The following MARCHF1 variants were observed in gnomAD, a reference collection of about 807,000 sequenced individuals.
MARCHF1 encodes E3 ubiquitin-protein ligase MARCHF1.
In MARCHF1, 40 loss-of-function variants were observed where a neutral mutation model predicts 54.2. The ratio of observed to expected loss-of-function variants is 0.74; its 90% CI spans 0.57 to 0.96. The LOEUF (loss-of-function observed/expected upper bound fraction) is 0.96. Among genes scored for constraint, MARCHF1 ranks in the 40% least tolerant of loss-of-function variants. The pLI, the probability that MARCHF1 is intolerant of heterozygous loss-of-function variation, is 0.00. For missense variants in MARCHF1, 586 were observed against 656.5 expected, an observed-to-expected ratio of 0.89 and a Z score of 1.17; for synonymous variants, 236 against 236.3, an observed-to-expected ratio of 1.00 and a Z score of 0.01.
At chr4:163,610,381 C>T (rs78361990) in intron 7 of MARCHF1, among the ~76,000 whole-genome samples, 9,783 of 152,120 alleles carry the variant, frequency 0.064, 463 homozygotes, top group East Asian at 0.16. Context: ...ATTGGCTCAT[C>T]TATCTCACTT....
intron 1 of MARCHF1, among the ~76,000 whole-genome samples, chr4:164,269,581 T>G (rs1320280573): frequency 6.6e-6 from 1 of 152,214 alleles, no homozygotes; most frequent in Non-Finnish European, 1.5e-5. Context: ...TCTTTGGAGA[T>G]CCACTTTTTC....
At chr4:164,306,778 G>C (rs1183337134) in intron 1 of MARCHF1, among the ~76,000 whole-genome samples, 1 of 152,024 alleles carries the variant, frequency 6.6e-6, no homozygotes, top group African/African-American at 2.4e-5. Flanking sequence ...GGAAAAGAGA[G>C]CCCATAATTA....
At chr4:164,375,958 C>T (rs2110972334) in intron 1 of MARCHF1, among the ~76,000 whole-genome samples, 1 of 152,340 alleles carries the variant, frequency 6.6e-6, no homozygotes, top group East Asian at 1.9e-4. Flanking sequence ...GAGTCAAACT[C>T]CCCTCTAATA....
intron 3 of MARCHF1, among the ~76,000 whole-genome samples, chr4:163,880,350 A>G (rs1750388768): frequency 6.6e-6 from 1 of 151,222 alleles, no homozygotes; most frequent in African/African-American, 2.4e-5. Flanking sequence ...TCAAATTTTG[A>G]TATTCAAGTA....
At chr4:164,358,869 T>A (rs1268261817) in intron 1 of MARCHF1, among the ~76,000 whole-genome samples, 1 of 152,138 alleles carries the variant, frequency 6.6e-6, no homozygotes, top group African/African-American at 2.4e-5. Context: ...AATTGGATTT[T>A]TAAAAAATGA....
At chr4:163,585,630 A>G in intron 8 of MARCHF1, 119 bp downstream of exon 8, 4 of 754,486 alleles carry the variant, frequency 5.3e-6, no homozygotes, top group Non-Finnish European at 8.4e-6. Context: ...AACACAAGAC[A>G]CATACCCTTA....
intron 2 of MARCHF1, among the ~76,000 whole-genome samples, chr4:164,101,949 G>C (rs1413018080): frequency 1.4e-5 from 2 of 146,076 alleles, no homozygotes; most frequent in Non-Finnish European, 3.0e-5. Context: ...ACCAAGGCTC[G>C]AGAACTACGT....
At chr4:163,728,681 G>C (rs910475243) in intron 4 of MARCHF1, among the ~76,000 whole-genome samples, 2 of 152,044 alleles carry the variant, frequency 1.3e-5, no homozygotes, top group Non-Finnish European at 2.9e-5. Context: ...CACTTCCTAG[G>C]TTTAGCCTTT....
intron 2 of MARCHF1, among the ~76,000 whole-genome samples, chr4:164,021,867 T>TTATATATATA (rs375853031): frequency 1.4e-4 from 20 of 147,048 alleles, no homozygotes; most frequent in East Asian, 6.0e-4. Context: ...AAAAAAAAAA[T>TTATATATATA]TATATATATA....
intron 3 of MARCHF1, among the ~76,000 whole-genome samples, chr4:163,982,855 A>C (rs1340201911): frequency 1.3e-5 from 2 of 152,210 alleles, no homozygotes; most frequent in Non-Finnish European, 2.9e-5. Context: ...TCTTCAGGAC[A>C]AAAAGGTGTC....
intron 3 of MARCHF1, among the ~76,000 whole-genome samples, chr4:163,960,535 C>T (rs1191241945): frequency 6.6e-6 from 1 of 151,876 alleles, no homozygotes; most frequent in Admixed American, 6.6e-5. Context: ...GGCTATTATC[C>T]TTAGCAAACT....
In MARCHF1 at chr4:164,044,791, A is replaced by G. The variant is rs570936719; in HGVS notation, c.-247-56082T>C. ...TCTATACATACTATAGATTCTCTAC[A>G]TAAGGACACTATATATGGACACTAT... is the stretch of plus-strand genomic sequence containing the variant. On this transcript the variant is annotated intron_variant, in intron 2 of 9. Coordinates refer to ENST00000514618, the MANE Select transcript of MARCHF1 (RefSeq NM_001394959.1). Among the ~76,000 whole-genome samples the G allele has an allele frequency of 2.6e-5, 4 of 151,612 alleles. No individual in the cohort carries two copies. In the East Asian group the frequency reaches 7.9e-4, roughly 30 times the overall value.
intron 2 of MARCHF1, among the ~76,000 whole-genome samples, chr4:164,101,826 G>C (rs1346308223): frequency 6.6e-6 from 1 of 151,364 alleles, no homozygotes; most frequent in Admixed American, 6.6e-5. Flanking sequence ...AGCTACGGGA[G>C]GACATTCAAA....
intron 3 of MARCHF1, among the ~76,000 whole-genome samples, chr4:163,911,661 A>G (rs1471215580): frequency 6.6e-6 from 1 of 152,188 alleles, no homozygotes; most frequent in Non-Finnish European, 1.5e-5. Flanking sequence ...TCAGAATGTG[A>G]CTGTATTTTG....
At chr4:163,768,483 T>C (rs1028293993) in intron 4 of MARCHF1, among the ~76,000 whole-genome samples, 2 of 152,194 alleles carry the variant, frequency 1.3e-5, no homozygotes, top group Non-Finnish European at 2.9e-5. Context: ...CATTTTGGCA[T>C]GGGGAAAAAC....
intron 5 of MARCHF1, among the ~76,000 whole-genome samples, chr4:163,685,257 T>C (rs775133960): frequency 1.3e-5 from 2 of 152,200 alleles, no homozygotes; most frequent in Non-Finnish European, 2.9e-5. Context: ...TGACGGCAGT[T>C]AAGTGAAGAC....
At chr4:163,812,875 A>C (rs548829054) in intron 4 of MARCHF1, among the ~76,000 whole-genome samples, 1 of 152,216 alleles carries the variant, frequency 6.6e-6, no homozygotes, top group Non-Finnish European at 1.5e-5. Context: ...ATGATAATTA[A>C]CTATAGACTG....
At chr4:163,693,720 T>C (rs1354000113) in intron 5 of MARCHF1, among the ~76,000 whole-genome samples, 2 of 143,156 alleles carry the variant, frequency 1.4e-5, no homozygotes, top group South Asian at 2.1e-4. Flanking sequence ...CAGTTGACCA[T>C]ATGACTGGAA....
chr4:163,711,185 C>G (rs1279893264), intron 4 of MARCHF1, among the ~76,000 whole-genome samples: 1 of 152,104 alleles, frequency 6.6e-6, no homozygotes, highest in Non-Finnish European at 1.5e-5. Flanking sequence ...AAAGGAAAAT[C>G]TGCCAGTGGT....
Sources: allele counts gnomAD v4.1 joint callset (sites outside exome capture counted in the v4.1 genomes callset), GRCh38; gene constraint gnomAD v4.1.1; transcripts MANE v1.5; gene names NCBI Gene and HGNC (gene_info 2026-07-23, HGNC 2026-07-21).